L3MBTL1: variants seen among roughly 807,000 people sequenced by gnomAD.
L3MBTL1 encodes lethal(3)malignant brain tumor-like protein 1.
L3MBTL1 carries 75 observed loss-of-function variants against 105.3 expected under a neutral mutation model. That is an observed-to-expected ratio of 0.71 (90% CI 0.59 to 0.86). L3MBTL1 has a LOEUF of 0.86. Among genes scored for constraint, L3MBTL1 ranks in the 40% least tolerant of loss-of-function variants. The pLI is 0.00. For missense variants in L3MBTL1, 1,069 were observed against 1,126.4 expected (o/e 0.95, Z 0.73); for synonymous variants, 452 against 436.2 (o/e 1.04, Z -0.45).
exon 19 of L3MBTL1, chr20:43,549,898 C>T (rs1230414719): frequency 6.6e-6 from 1 of 152,200 alleles, no homozygotes; most frequent in African/African-American, 2.4e-5. Context: ...TACCACAACC[C>T]AGTAGGGGCC....
chr20:43,536,313 C>T lies in L3MBTL1; in HGVS notation c.2123+19C>T, dbSNP rs1398463186. Reference sequence around the variant, plus strand: ...ACGGCCGGTATGGAGGCCAGGGAATCAGGGCCCGGGCTTCCTGGGGGTGTG... The same window carrying T: ...ACGGCCGGTATGGAGGCCAGGGAATTAGGGCCCGGGCTTCCTGGGGGTGTG... On this transcript the variant is annotated intron_variant, in intron 18 of 21. Transcript: ENST00000418998. 6.2e-7 allele frequency: 1 copy of T among 1,612,030 alleles called. No individual in the cohort carries two copies.
At chr20:43,513,454 G>A in intron 1 of L3MBTL1, 22 bp from the exon 2 acceptor site, 2 of 1,542,530 alleles carry the variant, frequency 1.3e-6, no homozygotes, top group South Asian at 1.2e-5. Flanking sequence ...TGATCACCCT[G>A]GGGGCTATGT....
chr20:43,533,836 A>C (rs879398951), intron 13 of L3MBTL1, among the ~76,000 whole-genome samples, 172 bp from the exon 14 acceptor site: 4 of 152,032 alleles, frequency 2.6e-5, no homozygotes, highest in African/African-American at 4.8e-5. Context: ...GCTTGGTTCT[A>C]CTAGCACCCA....
rs555117427 is a variant in L3MBTL1 at position 43,513,917 on chromosome 20, C to T, written c.216C>T (p.Ala72=). The T allele has an allele frequency of 1.2e-4, 184 of 1,550,522 alleles. No individual in the cohort carries two copies. The East Asian group carries it at 3.0e-3, about 26-fold the overall frequency. ...CFPREPIHVG[A]PEQVAGCEPV... ...CCCGGGAGCCAATCCATGTGGGTGC[C>T]CCGGAGCAAGTGGCCGGCTGCGAAC... The change falls in exon 3 of 22, where the codon GCC becomes GCT. Residue 72 remains alanine, a synonymous_variant. Transcript: ENST00000418998.
At chr20:43,513,812 G>C (rs1467302869) in intron 2 of L3MBTL1, 26 bp from the exon 3 acceptor site, 3 of 1,549,100 alleles carry the variant, frequency 1.9e-6, no homozygotes, top group East Asian at 2.4e-5. Context: ...CACCTGTGTC[G>C]TGTCTATTTG....
intron 7 of L3MBTL1, 148 bp from the exon 8 acceptor site, chr20:43,528,509 C>T (rs975991509): frequency 3.1e-6 from 2 of 638,746 alleles, no homozygotes; most frequent in South Asian, 1.8e-5. Flanking sequence ...GTGTCTGGCA[C>T]CATCATGGTG....
Position 43,533,005 on chromosome 20 carries a change from G to A in L3MBTL1, c.1436+81G>A, listed in dbSNP as rs2019420518. 2.8e-6 allele frequency: 4 copies of A among 1,407,732 alleles called. No individual in the cohort carries two copies. In the Admixed American group the frequency reaches 5.3e-5, roughly 19 times the overall value. The allele number at this position is 1,407,732 out of a possible 1,614,324, so 87.2% of individuals were successfully genotyped here. A position where few individuals can be genotyped will look rare whatever the true frequency, so the allele number is the denominator to read the frequency against. On this transcript the variant is annotated intron_variant, in intron 12 of 21. Coordinates refer to ENST00000418998, the MANE Select transcript of L3MBTL1 (RefSeq NM_001377303.1). ...TGCTTTCATATCTCAGGTACCATGT[G>A]GCACCACTCAGTCCAGTTCTGACAT...
intron 19 of L3MBTL1, chr20:43,539,828 T>G: frequency 2.4e-6 from 1 of 417,054 alleles, no homozygotes; most frequent in South Asian, 2.4e-5. Context: ...ATCTAGAAAA[T>G]TATGTCTTTA....
chr20:43,530,955 G>T, intron 11 of L3MBTL1, 66 bp downstream of exon 11: 2 of 1,321,990 alleles, frequency 1.5e-6, no homozygotes, highest in Non-Finnish European at 2.1e-6. Context: ...GCTGGCCCAG[G>T]GTATCTGACT....
At chr20:43,523,447 C>T (rs1049752160) in intron 7 of L3MBTL1, 1 of 229,116 alleles carries the variant, frequency 4.4e-6, no homozygotes, top group Non-Finnish European at 9.2e-6. Flanking sequence ...GCCTGTTAAA[C>T]CCCCAGAGAG....
chr20:43,541,067 T>C lies in L3MBTL1; in HGVS notation c.2528T>C (p.Leu843Pro). 24 of 1,614,226 alleles carry C rather than the reference T, an allele frequency of 1.5e-5. No homozygotes were observed. The highest frequency in any genetic ancestry group is 1.6e-4 in the Middle Eastern group (1 of 6,062). The change falls in exon 22 of 22, where the codon CTC becomes CCC. Residue 843 changes from leucine to proline, a missense_variant. By Grantham distance (98) the Leu-to-Pro change is moderately conservative (BLOSUM62 -3). Transcript: ENST00000418998. ...GILETGVHSLLCSLPTHLLAK... is the reference protein window; with the variant it reads ...GILETGVHSLPCSLPTHLLAK... ...CTGGAGACAGGAGTCCATTCACTCC[T>C]CTGCTCTCTACCCACTCATTTGCTT...
At position 43,532,799 on chromosome 20, in the gene L3MBTL1, G is replaced by A. The variant is rs2019407008; in HGVS notation, c.1311G>A (p.Val437=). The A allele has an allele frequency of 6.2e-7, 1 of 1,614,218 alleles. No homozygotes were observed. Among genetic ancestry groups the A allele is most frequent in the Non-Finnish European group, 8.5e-7 (1 of 1,180,042 alleles). The change falls in exon 12 of 22, where the codon GTG becomes GTA. Residue 437 remains valine, a synonymous_variant. Transcript: ENST00000418998. ...GTCCCCCACCCCTGGGCTTCCAGGT[G>A]GGCATGAAGCTGGAGGCTGTTGACC... ...SHSPPPLGFQ[V]GMKLEAVDRM...
At chr20:43,522,014 C>G (rs970874586) in intron 7 of L3MBTL1, among the ~76,000 whole-genome samples, 1 of 152,200 alleles carries the variant, frequency 6.6e-6, no homozygotes, top group African/African-American at 2.4e-5. Context: ...GGTTTCAGAG[C>G]CCCCAGTGTT....
intron 10 of L3MBTL1, 67 bp from the exon 11 acceptor site, chr20:43,530,731 T>C (rs1262417976): frequency 1.7e-5 from 25 of 1,435,116 alleles, no homozygotes; most frequent in Non-Finnish European, 2.4e-5. Flanking sequence ...GCTGCTTCAC[T>C]GTGGGGTGCC....
intron 7 of L3MBTL1, among the ~76,000 whole-genome samples, chr20:43,528,004 T>G (rs2019120669): frequency 6.6e-6 from 1 of 152,206 alleles, no homozygotes; most frequent in Non-Finnish European, 1.5e-5. Flanking sequence ...GCAATTCTCC[T>G]GCCTCAGCCT....
chr20:43,548,585 A>G (rs1247926899), exon 19 of L3MBTL1: 1 of 168,926 alleles, frequency 5.9e-6, no homozygotes, highest in Non-Finnish European at 1.3e-5. Context: ...TGGAGGAGAG[A>G]CTAGTAGAGC....
intron 7 of L3MBTL1, among the ~76,000 whole-genome samples, chr20:43,525,765 A>G (rs2145430434): frequency 6.6e-6 from 1 of 152,148 alleles, no homozygotes; most frequent in Middle Eastern, 3.4e-3. Flanking sequence ...GAAAGGGGTT[A>G]CTATGAGCCC....
intron 7 of L3MBTL1, among the ~76,000 whole-genome samples, chr20:43,523,754 G>A (rs545313883): frequency 7.9e-5 from 12 of 152,028 alleles, no homozygotes; most frequent in Non-Finnish European, 1.0e-4. Flanking sequence ...AGAAATAGGG[G>A]AGGCCAAGGC....
chr20:43,547,020 T>A (rs1202445047), intron 18 of L3MBTL1, among the ~76,000 whole-genome samples: 1 of 152,084 alleles, frequency 6.6e-6, no homozygotes. Context: ...AAGGCCTACA[T>A]AATTGGTTTT....
Sources: allele counts gnomAD v4.1 joint callset (sites outside exome capture counted in the v4.1 genomes callset), GRCh38; gene constraint gnomAD v4.1.1; transcripts MANE v1.5; gene names NCBI Gene and HGNC (gene_info 2026-07-23, HGNC 2026-07-21).